The following SINHCAF variants were observed in gnomAD, a reference collection of about 807,000 sequenced individuals.
The protein encoded by SINHCAF is SIN3-HDAC complex-associated factor.
Under a neutral mutation model 25.8 loss-of-function variants are expected in SINHCAF, and 3 were observed. The observed-to-expected ratio is 0.12, with a 90% confidence interval of 0.05 to 0.30. The LOEUF is 0.30. Among genes scored for constraint, SINHCAF ranks in the 10% least tolerant of loss-of-function variants. SINHCAF has a pLI of 1.00. For missense variants in SINHCAF, 121 were observed against 262.3 expected, an observed-to-expected ratio of 0.46 and a Z score of 3.72; for synonymous variants, 70 against 85.5, an observed-to-expected ratio of 0.82 and a Z score of 1.00.
At position 31,324,866 on chromosome 12, in the gene SINHCAF, G is replaced by C; in HGVS notation, c.-21+1158C>G. 2.3e-6 allele frequency: 1 copy of C among 427,704 alleles called. No individual in the cohort carries two copies. The highest frequency in any genetic ancestry group is 1.6e-5 in the South Asian group (1 of 61,058). The allele number at this position is 427,704 out of a possible 1,614,324, so 26.5% of individuals were successfully genotyped here. A position where few individuals can be genotyped will look rare whatever the true frequency, so the allele number is the denominator to read the frequency against. On this transcript the variant is annotated intron_variant, in intron 1 of 5. Coordinates refer to ENST00000337682, the MANE Select transcript of SINHCAF (RefSeq NM_001135812.2). This position sits in a 1 kb window ranked among gnomAD's most constrained non-coding sequence, Gnocchi z 5.5. ...TTGATGAGAAACGCCCGGAGTATCCGCCCCGCACGGGCGGAGAGTTGGCGA... is the reference window on the plus strand; with the variant it reads ...TTGATGAGAAACGCCCGGAGTATCCCCCCCGCACGGGCGGAGAGTTGGCGA...
At chr12:31,289,072 G>A (rs1325143568) in intron 4 of SINHCAF, among the ~76,000 whole-genome samples, 1 of 151,854 alleles carries the variant, frequency 6.6e-6, no homozygotes, top group Non-Finnish European at 1.5e-5. Context: ...AGGGGAGAGA[G>A]AAAACAAACA....
chr12:31,293,264 A>T (rs1464437486), intron 4 of SINHCAF, among the ~76,000 whole-genome samples: 1 of 152,178 alleles, frequency 6.6e-6, no homozygotes. Flanking sequence ...GCAACCCCCC[A>T]AAACTTCCAA....
chr12:31,322,583 C>CT (rs1419495634), intron 1 of SINHCAF, among the ~76,000 whole-genome samples: 1 of 151,642 alleles, frequency 6.6e-6, no homozygotes, highest in Non-Finnish European at 1.5e-5. Flanking sequence ...CATGCTCTTT[C>CT]TATTTACTAC....
At chr12:31,282,912 G>GA (rs1234209437) in intron 5 of SINHCAF, 41 bp from the exon 6 acceptor site, 1 of 1,444,074 alleles carries the variant, frequency 6.9e-7, no homozygotes, top group South Asian at 1.3e-5. Flanking sequence ...TAATAAGGAA[G>GA]AAAAATAGGA....
intron 1 of SINHCAF, among the ~76,000 whole-genome samples, chr12:31,314,046 G>A (rs1349661050): frequency 1.3e-5 from 2 of 152,190 alleles, no homozygotes; most frequent in East Asian, 3.9e-4. Context: ...GCAACCACAG[G>A]AAGCATTCCT....
intron 1 of SINHCAF, chr12:31,303,815 A>T (rs529285159): frequency 1.3e-5 from 2 of 152,302 alleles, no homozygotes; most frequent in East Asian, 3.9e-4. Flanking sequence ...ACCCATGAAA[A>T]AGGGGTTGAA....
Position 31,287,617 on chromosome 12 carries a change from T to C in SINHCAF, c.506+17A>G, listed in dbSNP as rs563532007. ...TAAGATGGTTTGCTGGTTAGAGAGA[T>C]ACTTTGTTTCTTTTACCTTTTCCAG... is the stretch of plus-strand genomic sequence containing the variant. On this transcript the variant is annotated intron_variant, in intron 5 of 5. Transcript: ENST00000337682. The C allele has an allele frequency of 3.2e-6, 5 of 1,568,116 alleles. No individual in the cohort carries two copies. The highest frequency in any genetic ancestry group is 1.7e-6 in the Non-Finnish European group (2 of 1,151,406).
In SINHCAF at chr12:31,305,731, G is replaced by A. The variant is rs181819981; in HGVS notation, c.-20-7507C>T. ...TTTTTTTTTTTTGAGACTAAGTCTC[G>A]CTCTGTCACCTAGGCTGGAGTGCAG... On this transcript the variant is annotated intron_variant, in intron 1 of 5. Coordinates refer to ENST00000337682, the MANE Select transcript of SINHCAF (RefSeq NM_001135812.2). Among the ~76,000 whole-genome samples the A allele has an allele frequency of 4.3e-3, 587 of 135,738 alleles. 5 individuals are homozygous for A. Among genetic ancestry groups the A allele is most frequent in the African/African-American group, 0.016 (557 of 35,756 alleles). The allele number at this position is 135,738 out of a possible 152,430, so 89.0% of individuals were successfully genotyped here. A position where few individuals can be genotyped will look rare whatever the true frequency, so the allele number is the denominator to read the frequency against.
At position 31,282,631 on chromosome 12, in the gene SINHCAF, A is replaced by G; in HGVS notation, c.*81T>C. 7.8e-7 allele frequency: 1 copy of G among 1,288,964 alleles called. No homozygotes were observed. Among genetic ancestry groups the G allele is most frequent in the South Asian group, 1.6e-5 (1 of 63,856 alleles). The allele number at this position is 1,288,964 out of a possible 1,614,324, so 79.8% of individuals were successfully genotyped here. A position where few individuals can be genotyped will look rare whatever the true frequency, so the allele number is the denominator to read the frequency against. On this transcript the variant is annotated 3_prime_UTR_variant, in exon 6 of 6. Coordinates refer to ENST00000337682, the MANE Select transcript of SINHCAF (RefSeq NM_001135812.2). ...GAGCAAAACTCCGTCTCAAAAAAAA[A>G]AGAGGGTCAGTTTGTAGCTTTGTGG...
At chr12:31,302,757 GAGA>G (rs1329797998) in intron 1 of SINHCAF, among the ~76,000 whole-genome samples, 6 of 152,018 alleles carry the variant, frequency 3.9e-5, no homozygotes, top group African/African-American at 1.2e-4. Flanking sequence ...GCGGGTAGGA[GAGA>G]AGGATTAATA....
At position 31,291,020 on chromosome 12, in the gene SINHCAF, A is replaced by T. The variant is rs536404988; in HGVS notation, c.355+2785T>A. ...AGGTGTAAGCCTCCATGCCCAGCCC[A>T]AACTGCAATTTTAAGTCTTAAAAAT... is the stretch of plus-strand genomic sequence containing the variant. On this transcript the variant is annotated intron_variant, in intron 4 of 5. Transcript: ENST00000337682. 3.3e-5 allele frequency among the ~76,000 whole-genome samples: 5 copies of T among 152,146 alleles called. No individual in the cohort carries two copies. In the South Asian group the frequency reaches 8.3e-4, roughly 25 times the overall value.
chr12:31,317,445 AAAGC>A (rs1308049884), intron 1 of SINHCAF, among the ~76,000 whole-genome samples: 45 of 152,188 alleles, frequency 3.0e-4, no homozygotes, highest in Non-Finnish European at 5.9e-5. Context: ...TTCAACCTTT[AAAGC>A]AAGTTGAACA....
intron 1 of SINHCAF, among the ~76,000 whole-genome samples, chr12:31,317,343 AC>A (rs759567878): frequency 2.2e-4 from 33 of 149,104 alleles, no homozygotes; most frequent in Non-Finnish European, 2.7e-4. Flanking sequence ...GTCTTTAAAA[AC>A]AAAAAAAAAA....
chr12:31,285,147 G>A (rs993626687), intron 5 of SINHCAF, among the ~76,000 whole-genome samples: 3 of 152,064 alleles, frequency 2.0e-5, no homozygotes, highest in African/African-American at 7.2e-5. Flanking sequence ...CAGCACTTTG[G>A]GAGGCCAAGG....
intron 5 of SINHCAF, among the ~76,000 whole-genome samples, chr12:31,285,999 T>C (rs973174582): frequency 6.7e-6 from 1 of 149,656 alleles, no homozygotes; most frequent in Non-Finnish European, 1.5e-5. Flanking sequence ...AAAGATTAAA[T>C]AAATGCAAAC....
intron 4 of SINHCAF, among the ~76,000 whole-genome samples, chr12:31,293,071 T>C (rs1358968580): frequency 1.3e-5 from 2 of 152,236 alleles, no homozygotes; most frequent in Non-Finnish European, 2.9e-5. Flanking sequence ...GTACCATCTA[T>C]TTATTCCACT....
intron 1 of SINHCAF, among the ~76,000 whole-genome samples, chr12:31,310,967 T>G (rs1197498757): frequency 6.6e-6 from 1 of 151,580 alleles, no homozygotes; most frequent in African/African-American, 2.4e-5. Context: ...CCTCTGAGGT[T>G]CAAGCAATTC....
At chr12:31,311,756 T>C (rs1024219030) in intron 1 of SINHCAF, 2 of 508,586 alleles carry the variant, frequency 3.9e-6, no homozygotes, top group South Asian at 3.4e-5. Flanking sequence ...TACTTGAACA[T>C]TTCTGGAGAA....
chr12:31,302,532 AG>A (rs1938844933), intron 1 of SINHCAF, among the ~76,000 whole-genome samples: 2 of 150,474 alleles, frequency 1.3e-5, no homozygotes, highest in South Asian at 4.3e-4. Context: ...AATCAAACAA[AG>A]TTTATCAGGC....
Sources: gnomAD v4.1 joint callset for allele counts (sites outside exome capture counted in the v4.1 genomes callset) on GRCh38, gnomAD v4.1.1 for gene constraint, Gnocchi (gnomAD v3.1) non-coding constraint, MANE v1.5 for transcripts, NCBI Gene and HGNC (gene_info 2026-07-23, HGNC 2026-07-21) for gene names.